Variants in GALP observed in about 807,000 individuals in gnomAD.
GALP encodes galanin-like peptide.
GALP carries 12 observed loss-of-function variants against 15.2 expected under a neutral mutation model. The observed-to-expected ratio is 0.79, with a 90% confidence interval of 0.51 to 1.28. The LOEUF is 1.28. Among genes scored for constraint, GALP ranks in the 50% most tolerant of loss-of-function variants. The pLI, the probability that GALP is intolerant of heterozygous loss-of-function variation, is 0.00. For synonymous variants in GALP, 58 were observed against 55.1 expected, an observed-to-expected ratio of 1.05 and a Z score of -0.23; for missense variants, 161 against 145.6, an observed-to-expected ratio of 1.11 and a Z score of -0.55.
chr19:56,177,915 C>G (rs1199693001), intron 2 of GALP, among the ~76,000 whole-genome samples: 1 of 152,122 alleles, frequency 6.6e-6, no homozygotes, highest in Non-Finnish European at 1.5e-5. Flanking sequence ...CAGGGATACA[C>G]AGTTTCAGTT....
At position 56,178,521 on chromosome 19, in the gene GALP, C is replaced by CAAAAAAAAAAAAAAA. The variant is rs80223966; in HGVS notation, c.87+1333_87+1347dup. Among the ~76,000 whole-genome samples, 16 of 85,768 alleles carry CAAAAAAAAAAAAAAA rather than the reference C, an allele frequency of 1.9e-4. 1 individual carries two copies. Among genetic ancestry groups the CAAAAAAAAAAAAAAA allele is most frequent in the Non-Finnish European group, 2.5e-4 (11 of 43,320 alleles). 56.3% of individuals were successfully genotyped at this position (85,768 alleles called of 152,430 possible). ...AGAAAAGAAATGCTAACAACAACAA[C>CAAAAAAAAAAAAAAA]AAAAAAAAAAAAAAAAAAAAAGAGA... is the stretch of plus-strand genomic sequence containing the variant. On this transcript the variant is annotated intron_variant, in intron 2 of 5. Coordinates refer to ENST00000357330, the MANE Select transcript of GALP (RefSeq NM_033106.4).
In GALP at chr19:56,182,240, T is replaced by TGG. The variant is rs1271096112; in HGVS notation, c.206_207dup (p.Lys70GlyfsTer20). ...GACAGCCCTTGAGATCCTAGACCTG[T>TGG]GGAAGGCCATCGGTGAGTGAGCGGG... On this transcript the variant is annotated frameshift_variant, in exon 4 of 6. Transcript: ENST00000357330. LOFTEE classifies it high-confidence loss of function. 3 of 1,613,292 alleles carry TGG rather than the reference T, an allele frequency of 1.9e-6. No homozygotes were observed.
At chr19:56,183,554 T>C (rs2032602367) in intron 5 of GALP, among the ~76,000 whole-genome samples, 1 of 152,208 alleles carries the variant, frequency 6.6e-6, no homozygotes, top group South Asian at 2.1e-4. Context: ...AGCTACAACA[T>C]TGACGTCAAA....
In GALP at chr19:56,183,183, T is replaced by C. The variant is rs764919010; in HGVS notation, c.266T>C (p.Met89Thr). 8.3e-5 allele frequency: 134 copies of C among 1,613,674 alleles called. 1 individual carries two copies. The South Asian group carries it at 8.7e-4, about 10-fold the overall frequency. Reference protein sequence around the residue: ...HPPQPSKRNVMETFAKPEIGD... With the variant: ...HPPQPSKRNVTETFAKPEIGD... ...CCACAGCCCTCCAAGAGGAATGTGATGGAGACGTTTGCCAAACCAGAGATT... is the reference window on the plus strand; with the variant it reads ...CCACAGCCCTCCAAGAGGAATGTGACGGAGACGTTTGCCAAACCAGAGATT... The change falls in exon 5 of 6, where the codon ATG becomes ACG. Residue 89 changes from methionine (M) to threonine (T), a missense_variant. Met to Thr is a moderately conservative substitution (Grantham distance 81). Transcript: ENST00000357330.
rs997267369 is a variant in GALP, at chr19:56,178,943, G to T, written c.88-1643G>T. 7.9e-5 allele frequency among the ~76,000 whole-genome samples: 12 copies of T among 152,308 alleles called. No individual in the cohort carries two copies. The East Asian group carries it at 2.3e-3, about 29-fold the overall frequency. ...CAATCCCAGCACTTTGGGAGGCCGA[G>T]GAGGGCGGATCACCTGAGGTCAGGA... On this transcript the variant is annotated intron_variant, in intron 2 of 5. Transcript: ENST00000357330.
chr19:56,180,911 C>G (rs199902019), intron 3 of GALP, among the ~76,000 whole-genome samples: 1 of 90,694 alleles, frequency 1.1e-5, no homozygotes, highest in Admixed American at 1.5e-4. Flanking sequence ...TTCTTTCTTT[C>G]TTTCTTTTTT....
rs75747440 is a variant in GALP, at chr19:56,176,508, C to G, written c.-40+446C>G. 6.9e-4 allele frequency among the ~76,000 whole-genome samples: 34 copies of G among 49,396 alleles called. 1 individual carries two copies. Among genetic ancestry groups the G allele is most frequent in the Admixed American group, 1.2e-3 (4 of 3,398 alleles). The allele number at this position is 49,396 out of a possible 152,430, so 32.4% of individuals were successfully genotyped here. A position where few individuals can be genotyped will look rare whatever the true frequency, so the allele number is the denominator to read the frequency against. On this transcript the variant is annotated intron_variant, in intron 1 of 5. Coordinates refer to ENST00000357330, the MANE Select transcript of GALP (RefSeq NM_033106.4). Reference sequence around the variant, plus strand: ...GGCAGAGGGGCGGATCCCAGCTGCACGGGGGTGAGAGCCTAGGCCAGGAGG... The same window carrying G: ...GGCAGAGGGGCGGATCCCAGCTGCAGGGGGGTGAGAGCCTAGGCCAGGAGG...
intron 2 of GALP, among the ~76,000 whole-genome samples, chr19:56,179,143 C>T (rs1228428109): frequency 6.7e-6 from 1 of 150,340 alleles, no homozygotes; most frequent in Non-Finnish European, 1.5e-5. Flanking sequence ...CACCACTGCG[C>T]TTCAGCCTGG....
At chr19:56,185,105 A>G (rs141760700) in intron 5 of GALP, 110 bp from the exon 6 acceptor site, 39,141 of 707,508 alleles carry the variant, frequency 0.055, 2,227 homozygotes, top group East Asian at 0.24. Context: ...GTTCAAGACC[A>G]GCCTGGCCAA....
intron 2 of GALP, among the ~76,000 whole-genome samples, chr19:56,178,478 C>CAAGAA (rs1297401618): frequency 2.8e-5 from 2 of 72,564 alleles, no homozygotes; most frequent in Non-Finnish European, 5.7e-5. Context: ...AAAACAAAAA[C>CAAGAA]AAGAAAAGAA....
chr19:56,178,995 CG>C (rs2032515233), intron 2 of GALP, among the ~76,000 whole-genome samples: 1 of 152,036 alleles, frequency 6.6e-6, no homozygotes, highest in Admixed American at 6.6e-5. Flanking sequence ...GCCAACATGG[CG>C]AAACCCCCTG....
intron 4 of GALP, among the ~76,000 whole-genome samples, chr19:56,182,864 AC>A (rs1216480117): frequency 2.0e-5 from 3 of 151,998 alleles, no homozygotes; most frequent in Non-Finnish European, 4.4e-5. Flanking sequence ...TATTTTTTAA[AC>A]TTTTATTTTA....
chr19:56,178,995 C>T (rs1034025320), intron 2 of GALP, among the ~76,000 whole-genome samples: 3 of 152,036 alleles, frequency 2.0e-5, no homozygotes, highest in Non-Finnish European at 2.9e-5. Context: ...GCCAACATGG[C>T]GAAACCCCCT....
chr19:56,178,790 A>G (rs1164603514), intron 2 of GALP, among the ~76,000 whole-genome samples: 1 of 152,212 alleles, frequency 6.6e-6, no homozygotes, highest in Non-Finnish European at 1.5e-5. Flanking sequence ...CTACCCCACA[A>G]TCCTTTGCAG....
rs1568575398 is a variant in GALP, at chr19:56,176,057, A to ACC, written c.-45_-44insCC. On this transcript the variant is annotated 5_prime_UTR_variant, in exon 1 of 6. Coordinates refer to ENST00000357330, the MANE Select transcript of GALP (RefSeq NM_033106.4). ...AGAGCTGCGGAGAGCTGCCAGCTGC[A>ACC]GCGGGGTGAGAGCCTAGGCCAGGAG... The ACC allele has an allele frequency of 8.0e-5, 14 of 175,426 alleles. No individual in the cohort carries two copies. Among genetic ancestry groups the ACC allele is most frequent in the African/African-American group, 1.9e-4 (8 of 41,234 alleles). 10.9% of individuals were successfully genotyped at this position (175,426 alleles called of 1,614,324 possible).
At chr19:56,184,923 C>T (rs2032630528) in intron 5 of GALP, among the ~76,000 whole-genome samples, 1 of 152,198 alleles carries the variant, frequency 6.6e-6, no homozygotes, top group Admixed American at 6.5e-5. Context: ...ACCTCGATTA[C>T]ATTCTGACTC....
chr19:56,177,054 C>A lies in GALP; in HGVS notation c.-39-16C>A. On this transcript the variant is annotated splice_polypyrimidine_tract_variant and intron_variant, in intron 1 of 5. Coordinates refer to ENST00000357330, the MANE Select transcript of GALP (RefSeq NM_033106.4). ...GCCCCCGCTTCGGAAAATGACTGGCCGCTCTCTCCTTGCAGCGTGTTCCGC... is the reference window on the plus strand; with the variant it reads ...GCCCCCGCTTCGGAAAATGACTGGCAGCTCTCTCCTTGCAGCGTGTTCCGC... The A allele has an allele frequency of 1.5e-6, 2 of 1,372,894 alleles. No individual in the cohort carries two copies. Among genetic ancestry groups the A allele is most frequent in the Non-Finnish European group, 2.0e-6 (2 of 977,374 alleles). The allele number at this position is 1,372,894 out of a possible 1,614,324, so 85.0% of individuals were successfully genotyped here.
chr19:56,179,469 G>A (rs2032524724), intron 2 of GALP, among the ~76,000 whole-genome samples: 1 of 149,398 alleles, frequency 6.7e-6, no homozygotes, highest in East Asian at 2.3e-4. Flanking sequence ...CACCACGCCC[G>A]GCTATTATAT....
intron 3 of GALP, among the ~76,000 whole-genome samples, chr19:56,181,085 G>A (rs1163045279): frequency 4.0e-5 from 6 of 151,460 alleles, no homozygotes; most frequent in Non-Finnish European, 7.4e-5. Context: ...CCAACAGCAC[G>A]CCCGGCTAAT....
Sources: allele counts gnomAD v4.1 joint callset (sites outside exome capture counted in the v4.1 genomes callset), GRCh38; gene constraint gnomAD v4.1.1; transcripts MANE v1.5; gene names NCBI Gene and HGNC (gene_info 2026-07-23, HGNC 2026-07-21).